FARP2: variants seen among roughly 807,000 people sequenced by gnomAD.
FARP2 encodes the protein FERM, ARHGEF and pleckstrin domain-containing protein 2.
FARP2 carries 111 observed loss-of-function variants against 130.5 expected under a neutral mutation model. The observed-to-expected ratio is 0.85, with a 90% CI of 0.73 to 1.00. The LOEUF (loss-of-function observed/expected upper bound fraction) is 1.00. Among genes scored for constraint, FARP2 ranks in the 50% least tolerant of loss-of-function variants. The probability of loss-of-function intolerance (pLI) is 0.00; values close to 1 mark genes in which losing one functional copy is unlikely to be tolerated. For missense variants in FARP2, 1,385 were observed against 1,346.3 expected (o/e 1.03, Z -0.45); for synonymous variants, 504 against 516.9 (o/e 0.98, Z 0.34).
chr2:241,463,212 C>G, intron 15 of FARP2, 123 bp from the exon 16 acceptor site: 1 of 1,011,246 alleles, frequency 9.9e-7, no homozygotes, highest in Admixed American at 2.3e-5. Flanking sequence ...GATCTGAACC[C>G]TCTTTGTAGG....
chr2:241,474,801 TAATAAATA>T lies in FARP2; in HGVS notation c.2132-1025_2132-1018del, dbSNP rs56306612. Among the ~76,000 whole-genome samples the T allele has an allele frequency of 1.7e-3, 232 of 140,326 alleles. 2 individuals carry two copies. Among genetic ancestry groups the T allele is most frequent in the Middle Eastern group, 3.6e-3 (1 of 274 alleles). 92.1% of individuals were successfully genotyped at this position (140,326 alleles called of 152,430 possible). On this transcript the variant is annotated intron_variant, in intron 18 of 26. Coordinates refer to ENST00000264042, the MANE Select transcript of FARP2 (RefSeq NM_014808.4). Reference sequence around the variant, plus strand: ...AGTGAGACCCTGTCTCTAATAATAATAATAAATAAATAAATAAATAAATAAATAAATAA... The same window carrying T: ...AGTGAGACCCTGTCTCTAATAATAATAATAAATAAATAAATAAATAAATAA...
Position 241,377,859 on chromosome 2 carries a change from G to C in FARP2, c.183+4569G>C, listed in dbSNP as rs149236041. 4.6e-5 allele frequency among the ~76,000 whole-genome samples: 7 copies of C among 152,242 alleles called. No homozygotes were observed. In the East Asian group the frequency reaches 1.4e-3, roughly 29 times the overall value. On this transcript the variant is annotated intron_variant, in intron 2 of 26. Transcript: ENST00000264042. Reference sequence around the variant, plus strand: ...GCCAAACCTGTGGATACAGAGGACTGACAGAATACCTAGGAGTAGAATTGC... The same window carrying C: ...GCCAAACCTGTGGATACAGAGGACTCACAGAATACCTAGGAGTAGAATTGC...
At chr2:241,488,714 A>G (rs961987552) in intron 21 of FARP2, 5 of 152,004 alleles carry the variant, frequency 3.3e-5, no homozygotes, top group African/African-American at 4.8e-5. Flanking sequence ...ATTTGTTTTG[A>G]TAGATATTAG....
chr2:241,462,702 T>G (rs1218201401), intron 15 of FARP2, 90 bp downstream of exon 15: 2 of 894,728 alleles, frequency 2.2e-6, no homozygotes, highest in Non-Finnish European at 3.5e-6. Flanking sequence ...CTTTTTTTCT[T>G]TTTTTGAGAT....
chr2:241,364,958 A>G (rs1009779541), intron 1 of FARP2, among the ~76,000 whole-genome samples: 3 of 152,170 alleles, frequency 2.0e-5, no homozygotes, highest in Non-Finnish European at 4.4e-5. Context: ...GCCATGCCGG[A>G]TATTAGTCTC....
rs774788405 is a variant in FARP2 at position 241,403,829 on chromosome 2, C to G, written c.185C>G (p.Pro62Arg). The G allele has an allele frequency of 1.2e-6, 2 of 1,607,310 alleles. No homozygotes were observed. Among genetic ancestry groups the G allele is most frequent in the Non-Finnish European group, 1.7e-6 (2 of 1,173,876 alleles). Residue 62 changes from proline (P) to arginine (R), a missense_variant and splice_region_variant, in exon 3 of 27, where the codon CCT becomes CGT. By Grantham distance (103) the Pro-to-Arg change is moderately radical (BLOSUM62 -2). Coordinates refer to ENST00000264042, the MANE Select transcript of FARP2 (RefSeq NM_014808.4). Reference sequence around the variant, plus strand: ...TTTTTCCCATCTCTCTCTGCACAGCCTAAATGCGATGGCCAGGTATTACTG... The same window carrying G: ...TTTTTCCCATCTCTCTCTGCACAGCGTAAATGCGATGGCCAGGTATTACTG... ...DNTMEIFDIE[P>R]KCDGQVLLTQ...
At position 241,463,371 on chromosome 2, in the gene FARP2, C is replaced by T. The variant is rs2064077776; in HGVS notation, c.1714C>T (p.Pro572Ser). Reference protein sequence around the residue: ...RSAVVKEDAMPATLMTLLFSN... With the variant: ...RSAVVKEDAMSATLMTLLFSN... ...CGCAGTGGTGAAGGAGGACGCCATG[C>T]CTGCGACTCTGATGACGCTGCTCTT... Residue 572 changes from proline to serine, a missense_variant, in exon 16 of 27, where the codon CCT becomes TCT. Transcript: ENST00000264042. 2 of 1,614,020 alleles carry T rather than the reference C, an allele frequency of 1.2e-6. No individual in the cohort carries two copies. The highest frequency in any genetic ancestry group is 1.7e-6 in the Non-Finnish European group (2 of 1,180,018).
rs535991105 is a variant in FARP2, at chr2:241,430,450, C to T, written c.772-1229C>T. Among the ~76,000 whole-genome samples the T allele has an allele frequency of 3.5e-4, 53 of 152,310 alleles. No homozygotes were observed. The South Asian group carries it at 7.2e-3, about 21-fold the overall frequency. Reference sequence around the variant, plus strand: ...CCCTCTCAACAGACAATGCTACACACATGTACATATACCCACTCACCTCAT... The same window carrying T: ...CCCTCTCAACAGACAATGCTACACATATGTACATATACCCACTCACCTCAT... On this transcript the variant is annotated intron_variant, in intron 8 of 26. Transcript: ENST00000264042.
chr2:241,492,863 C>A, intron 24 of FARP2, 66 bp from the exon 25 acceptor site: 1 of 924,070 alleles, frequency 1.1e-6, no homozygotes, highest in Non-Finnish European at 1.8e-6. Context: ...TCTTGGGGAG[C>A]AAACCCACTC....
rs199830725 is a variant in FARP2, at chr2:241,436,464, C to T, written c.1101-17C>T. On this transcript the variant is annotated splice_polypyrimidine_tract_variant and intron_variant, in intron 11 of 26. Transcript: ENST00000264042. ...GGGGAGGGCTTGGTTTCTCACAGCT[C>T]GTCCTCTGTTTTGCAGAAGGCACAG... 4.1e-5 allele frequency: 66 copies of T among 1,613,846 alleles called. No homozygotes were observed. Among genetic ancestry groups the T allele is most frequent in the Admixed American group, 3.5e-4 (21 of 60,018 alleles).
intron 24 of FARP2, among the ~76,000 whole-genome samples, chr2:241,492,328 C>G (rs983663248): frequency 1.3e-5 from 2 of 152,208 alleles, no homozygotes; most frequent in East Asian, 3.9e-4. Flanking sequence ...GGTCCCTGAC[C>G]TGGGCCCACC....
At chr2:241,389,363 C>G (rs1307648893) in intron 2 of FARP2, among the ~76,000 whole-genome samples, 1 of 152,190 alleles carries the variant, frequency 6.6e-6, no homozygotes, top group African/African-American at 2.4e-5. Context: ...TTTTCTTCCT[C>G]TCTCTCTGTG....
At chr2:241,367,801 G>A (rs2061347426) in intron 1 of FARP2, among the ~76,000 whole-genome samples, 1 of 152,144 alleles carries the variant, frequency 6.6e-6, no homozygotes, top group African/African-American at 2.4e-5. Context: ...AGCAGAAGGG[G>A]AAGAGTTTTG....
intron 2 of FARP2, among the ~76,000 whole-genome samples, chr2:241,397,472 A>G (rs764985809): frequency 6.6e-6 from 1 of 152,170 alleles, no homozygotes; most frequent in Admixed American, 6.5e-5. Context: ...TAAGTGATCA[A>G]ACTTCATAGT....
intron 7 of FARP2, among the ~76,000 whole-genome samples, chr2:241,415,641 C>A (rs1249416385): frequency 6.6e-6 from 1 of 152,106 alleles, no homozygotes; most frequent in African/African-American, 2.4e-5. Flanking sequence ...CAGGATGAAC[C>A]CCTGAAGAAC....
At chr2:241,398,059 C>T (rs921443686) in intron 2 of FARP2, among the ~76,000 whole-genome samples, 1 of 151,854 alleles carries the variant, frequency 6.6e-6, no homozygotes, top group African/African-American at 2.4e-5. Flanking sequence ...TCTCGATCTC[C>T]TGACCTCGTG....
chr2:241,360,711 C>T (rs544478412), intron 1 of FARP2, among the ~76,000 whole-genome samples: 3 of 149,612 alleles, frequency 2.0e-5, no homozygotes, highest in South Asian at 2.1e-4. Flanking sequence ...AGAATGAGAA[C>T]GTAACAAATT....
At chr2:241,438,765 G>T (rs527835803) in intron 12 of FARP2, among the ~76,000 whole-genome samples, 1 of 148,930 alleles carries the variant, frequency 6.7e-6, no homozygotes, top group Non-Finnish European at 1.5e-5. Context: ...GAGTAGCTGG[G>T]ACTACAGGTG....
intron 2 of FARP2, among the ~76,000 whole-genome samples, chr2:241,379,531 T>C (rs912839138): frequency 6.6e-6 from 1 of 152,226 alleles, no homozygotes; most frequent in African/African-American, 2.4e-5. Context: ...GGCTTTAGGT[T>C]AAATAGTGAC....
Sources: gnomAD v4.1 joint callset for allele counts (sites outside exome capture counted in the v4.1 genomes callset) on GRCh38, gnomAD v4.1.1 for gene constraint, MANE v1.5 for transcripts, NCBI Gene and HGNC (gene_info 2026-07-23, HGNC 2026-07-21) for gene names.